NAV3: variants seen among roughly 807,000 people sequenced by gnomAD.
NAV3 encodes neuron navigator 3.
In NAV3, 87 loss-of-function variants were observed where a neutral mutation model predicts 244.7. The ratio of observed to expected loss-of-function variants is 0.36; its 90% CI spans 0.30 to 0.42. The LOEUF (loss-of-function observed/expected upper bound fraction) is 0.42, where lower values mean the gene tolerates loss of function less well. Among genes scored for constraint, NAV3 ranks in the 20% least tolerant of loss-of-function variants. The pLI is 1.00. For missense variants in NAV3, 2,663 were observed against 2,893.3 expected, an observed-to-expected ratio of 0.92 and a Z score of 1.83; for synonymous variants, 1,126 against 1,042.2, an observed-to-expected ratio of 1.08 and a Z score of -1.55.
At chr12:78,188,413 A>T in intron 32 of NAV3, 70 bp downstream of exon 32, 24 of 1,336,878 alleles carry the variant, frequency 1.8e-5, no homozygotes, top group Non-Finnish European at 2.5e-5. Context: ...CCATAACTTC[A>T]ATAGCAGAGA....
chr12:78,011,438 CAATT>C lies in NAV3; in HGVS notation c.1907+3997_1907+4000del, dbSNP rs796239552. ...GTTATGGAAGTGTATGCAACATACA[CAATT>C]AATGTAGAAAAAAAGAGGGTTTTTT... On this transcript the variant is annotated intron_variant, in intron 8 of 39. Transcript: ENST00000397909. 1.7e-4 allele frequency among the ~76,000 whole-genome samples: 26 copies of C among 151,880 alleles called. 1 individual carries two copies. The highest frequency in any genetic ancestry group is 6.0e-4 in the African/African-American group (25 of 41,390).
At chr12:77,737,547 A>G (rs1877387639) in intron 2 of NAV3, among the ~76,000 whole-genome samples, 1 of 152,100 alleles carries the variant, frequency 6.6e-6, no homozygotes, top group Admixed American at 6.6e-5. Flanking sequence ...AAGAGTCACT[A>G]AAGGAAAGTG....
chr12:77,651,874 C>A (rs991421188), intron 2 of NAV3, among the ~76,000 whole-genome samples: 9 of 152,074 alleles, frequency 5.9e-5, no homozygotes, highest in African/African-American at 2.2e-4. Flanking sequence ...CCTGGGCTTG[C>A]GAATCTAATT....
intron 11 of NAV3, among the ~76,000 whole-genome samples, chr12:78,051,693 T>C (rs955358311): frequency 2.0e-5 from 3 of 152,228 alleles, no homozygotes; most frequent in Non-Finnish European, 4.4e-5. Flanking sequence ...CTGTGTCCTA[T>C]TACATTCCAA....
At chr12:77,943,899 C>A (rs899712167) in intron 3 of NAV3, among the ~76,000 whole-genome samples, 3 of 152,070 alleles carry the variant, frequency 2.0e-5, no homozygotes, top group African/African-American at 7.2e-5. Context: ...TCATTTTAAG[C>A]CTTTAAGAAT....
In NAV3 at chr12:77,741,683, G is replaced by T. The variant is rs578098092; in HGVS notation, c.72+169417G>T. Reference sequence around the variant, plus strand: ...CTTACCTTTATATTTGAATAAAAGGGTGGCGCAATATAAACAATTATTGTT... The same window carrying T: ...CTTACCTTTATATTTGAATAAAAGGTTGGCGCAATATAAACAATTATTGTT... On this transcript the variant is annotated intron_variant, in intron 2 of 8. Transcript: ENST00000550042. Among the ~76,000 whole-genome samples, 148 of 152,198 alleles carry T rather than the reference G, an allele frequency of 9.7e-4. 2 individuals carry two copies. In the Middle Eastern group the frequency reaches 0.017, roughly 17 times the overall value.
At chr12:78,057,856 ACTGT>A (rs1456705959) in intron 11 of NAV3, among the ~76,000 whole-genome samples, 11 of 152,158 alleles carry the variant, frequency 7.2e-5, no homozygotes, top group African/African-American at 2.7e-4. Flanking sequence ...ACCTTAGGAA[ACTGT>A]CTGCATGTCT....
chr12:77,757,793 A>G (rs908554465), intron 2 of NAV3, among the ~76,000 whole-genome samples: 1 of 152,226 alleles, frequency 6.6e-6, no homozygotes, highest in Admixed American at 6.5e-5. Flanking sequence ...ATGTGGAACT[A>G]TTATAACCTC....
intron 11 of NAV3, among the ~76,000 whole-genome samples, chr12:78,058,135 A>T (rs891266929): frequency 2.6e-5 from 4 of 152,158 alleles, no homozygotes; most frequent in African/African-American, 9.7e-5. Flanking sequence ...CTGATATGAG[A>T]TATTAAATAT....
chr12:78,097,974 C>T (rs1163951475), intron 12 of NAV3, among the ~76,000 whole-genome samples: 1 of 152,116 alleles, frequency 6.6e-6, no homozygotes, highest in African/African-American at 2.4e-5. Flanking sequence ...GACTTAATAG[C>T]TGTGATTGCT....
intron 1 of NAV3, among the ~76,000 whole-genome samples, chr12:77,931,645 T>C (rs1888806516): frequency 6.6e-6 from 1 of 152,142 alleles, no homozygotes; most frequent in East Asian, 1.9e-4. Flanking sequence ...GGCAGGCGGA[T>C]CACAAGGTCA....
At chr12:77,745,070 A>G (rs536693106) in intron 2 of NAV3, among the ~76,000 whole-genome samples, 1 of 152,114 alleles carries the variant, frequency 6.6e-6, no homozygotes, top group Admixed American at 6.6e-5. Context: ...CATAAGTGTG[A>G]TAAGGAACAC....
At chr12:78,209,386 AATTAGTATGC>A (rs1960664200) in intron 39 of NAV3, among the ~76,000 whole-genome samples, 1 of 152,136 alleles carries the variant, frequency 6.6e-6, no homozygotes, top group Admixed American at 6.6e-5. Flanking sequence ...AGAATAATAA[AATTAGTATGC>A]ATTAGGTAAT....
chr12:78,117,371 T>C (rs896802892), intron 13 of NAV3, among the ~76,000 whole-genome samples: 3 of 14,804 alleles, frequency 2.0e-4, no homozygotes, highest in Non-Finnish European at 6.3e-4. Context: ...ATAATAGATA[T>C]ATATTTTATA....
chr12:78,011,571 T>A lies in NAV3; in HGVS notation c.1907+4126T>A, dbSNP rs144612050. Among the ~76,000 whole-genome samples the A allele has an allele frequency of 4.1e-3, 626 of 152,290 alleles. 13 individuals are homozygous for A. Among genetic ancestry groups the A allele is most frequent in the Admixed American group, 0.037 (558 of 15,280 alleles). Reference sequence around the variant, plus strand: ...GTTTGTCACAAGGAGGTAAGAATGTTGTGCTATCATCCGAATTTGATATTC... The same window carrying A: ...GTTTGTCACAAGGAGGTAAGAATGTAGTGCTATCATCCGAATTTGATATTC... On this transcript the variant is annotated intron_variant, in intron 8 of 39. Transcript: ENST00000397909.
At chr12:77,974,828 TG>T (rs1037515578) in intron 5 of NAV3, among the ~76,000 whole-genome samples, 4 of 152,206 alleles carry the variant, frequency 2.6e-5, no homozygotes, top group Non-Finnish European at 5.9e-5. Flanking sequence ...AAATGGTTTA[TG>T]TATAAAATGC....
At chr12:77,767,046 C>G (rs1869812350) in intron 2 of NAV3, among the ~76,000 whole-genome samples, 1 of 151,984 alleles carries the variant, frequency 6.6e-6, no homozygotes, top group African/African-American at 2.4e-5. Context: ...GCCACTGTGC[C>G]CAGCCAAGAA....
chr12:77,772,386 C>A (rs552282678), intron 2 of NAV3, among the ~76,000 whole-genome samples: 32 of 152,192 alleles, frequency 2.1e-4, no homozygotes, highest in African/African-American at 7.5e-4. Context: ...GACTTGCCAT[C>A]AAATTAAATA....
chr12:77,734,437 T>G (rs1257384333), intron 2 of NAV3, among the ~76,000 whole-genome samples: 1 of 152,074 alleles, frequency 6.6e-6, no homozygotes, highest in African/African-American at 2.4e-5. Context: ...ATTTTGCAGA[T>G]AGCTCAAACT....
Sources: allele counts gnomAD v4.1 joint callset (sites outside exome capture counted in the v4.1 genomes callset), GRCh38; gene constraint gnomAD v4.1.1; transcripts MANE v1.5; gene names NCBI Gene and HGNC (gene_info 2026-07-23, HGNC 2026-07-21).